The following PEX5L variants were observed in gnomAD, a reference collection of about 807,000 sequenced individuals.
PEX5L encodes peroxisomal biogenesis factor 5 like, also known as PEX5-related protein.
Under a neutral mutation model 84.0 loss-of-function variants are expected in PEX5L, and 30 were observed. That is an observed-to-expected ratio of 0.36 (90% CI 0.27 to 0.48). The LOEUF (loss-of-function observed/expected upper bound fraction) is 0.48, where lower values mean the gene tolerates loss of function less well. Ranked by LOEUF, PEX5L falls within the 20% of genes least tolerant of loss-of-function variation. PEX5L has a pLI of 0.99. For missense variants in PEX5L, 533 were observed against 754.6 expected (o/e 0.71, Z 3.44); for synonymous variants, 270 against 283.1 (o/e 0.95, Z 0.46).
chr3:179,887,575 G>T (rs557517240), intron 4 of PEX5L, 98 bp downstream of exon 4: 2 of 783,618 alleles, frequency 2.6e-6, no homozygotes, highest in Admixed American at 4.1e-5. Context: ...GGTTGCAAAC[G>T]TTCTTTCCTC....
At chr3:179,940,369 GC>G in intron 2 of PEX5L, among the ~76,000 whole-genome samples, 1 of 152,160 alleles carries the variant, frequency 6.6e-6, no homozygotes, top group East Asian at 1.9e-4. Context: ...ATTGAATTGA[GC>G]AGTTACTGTG....
chr3:180,030,175 G>A (rs1480863438), intron 1 of PEX5L, among the ~76,000 whole-genome samples: 1 of 152,150 alleles, frequency 6.6e-6, no homozygotes, highest in Non-Finnish European at 1.5e-5. Flanking sequence ...TTTCGATAGG[G>A]ACACAAACTC....
intron 5 of PEX5L, among the ~76,000 whole-genome samples, chr3:179,879,646 A>G (rs1753562682): frequency 6.6e-6 from 1 of 152,160 alleles, no homozygotes. Flanking sequence ...TGCACATTTT[A>G]TCTTTATTTG....
At chr3:179,947,449 A>C (rs1777877380) in intron 2 of PEX5L, among the ~76,000 whole-genome samples, 1 of 152,084 alleles carries the variant, frequency 6.6e-6, no homozygotes, top group African/African-American at 2.4e-5. Flanking sequence ...CAGCCAAAGA[A>C]AAGAGTTTCA....
chr3:179,811,250 T>C lies in PEX5L; in HGVS notation c.1154+551A>G, dbSNP rs994022328. ...GTGTGTGTGTGTGTGTGTGTGTGCA[T>C]ATGTATACGCACACATATATATTCT... is the stretch of plus-strand genomic sequence containing the variant. On this transcript the variant is annotated intron_variant, in intron 11 of 14. Coordinates refer to ENST00000467460, the MANE Select transcript of PEX5L (RefSeq NM_016559.3). Among the ~76,000 whole-genome samples the C allele has an allele frequency of 1.5e-4, 23 of 151,902 alleles. 1 individual carries two copies. The highest frequency in any genetic ancestry group is 9.7e-4 in the East Asian group (5 of 5,162).
chr3:179,926,776 T>A (rs1050308304), intron 2 of PEX5L, among the ~76,000 whole-genome samples: 9 of 152,202 alleles, frequency 5.9e-5, no homozygotes, highest in Non-Finnish European at 1.3e-4. Context: ...TCAACAAATA[T>A]CTGTGAAATG....
chr3:179,820,116 G>A, intron 8 of PEX5L, 140 bp from the exon 9 acceptor site: 1 of 1,204,034 alleles, frequency 8.3e-7, no homozygotes, highest in Non-Finnish European at 1.2e-6. Flanking sequence ...AGGCGTGGCT[G>A]AAGAGCTTCT....
intron 1 of PEX5L, chr3:179,973,098 A>G (rs1579169719): frequency 2.1e-6 from 2 of 974,624 alleles, no homozygotes; most frequent in East Asian, 8.6e-5. Flanking sequence ...GATTTTGTCT[A>G]GAGTGTCTCT....
chr3:179,885,015 G>C (rs1219247138), intron 4 of PEX5L, among the ~76,000 whole-genome samples: 2 of 27,380 alleles, frequency 7.3e-5, no homozygotes, highest in Non-Finnish European at 1.7e-4. Flanking sequence ...GATTTCTTAC[G>C]AATTAAAAAT....
At position 180,026,034 on chromosome 3, in the gene PEX5L, T is replaced by C. The variant is rs148055348; in HGVS notation, c.21+10545A>G. On this transcript the variant is annotated intron_variant, in intron 1 of 14. Coordinates refer to ENST00000467460, the MANE Select transcript of PEX5L (RefSeq NM_016559.3). Reference sequence around the variant, plus strand: ...TGGTTTGAACTTGGGGCTGTTATGCTGGAGCAGAAGCTCTTAAGCACTATG... The same window carrying C: ...TGGTTTGAACTTGGGGCTGTTATGCCGGAGCAGAAGCTCTTAAGCACTATG... 5.4e-4 allele frequency among the ~76,000 whole-genome samples: 82 copies of C among 152,120 alleles called. 1 individual carries two copies. Among genetic ancestry groups the C allele is most frequent in the African/African-American group, 1.8e-3 (73 of 41,510 alleles).
At chr3:179,844,270 T>A (rs554067306) in intron 8 of PEX5L, among the ~76,000 whole-genome samples, 1 of 152,352 alleles carries the variant, frequency 6.6e-6, no homozygotes, top group African/African-American at 2.4e-5. Context: ...AAATAACCAC[T>A]GTGATTTGGT....
rs1480919550 is a variant in PEX5L, at chr3:179,949,221, A to ATTTT, written c.93+22372_93+22373insAAAA. Among the ~76,000 whole-genome samples, 867 of 152,314 alleles carry ATTTT rather than the reference A, an allele frequency of 5.7e-3. 7 individuals carry two copies. Among genetic ancestry groups the ATTTT allele is most frequent in the African/African-American group, 0.02 (830 of 41,566 alleles). ...CAGAACTGAAGAGTAGATTTTTAAA[A>ATTTT]AAAAAATAAGTAGTTTTAAAAACCA... On this transcript the variant is annotated intron_variant, in intron 2 of 14. Coordinates refer to ENST00000467460, the MANE Select transcript of PEX5L (RefSeq NM_016559.3).
intron 8 of PEX5L, among the ~76,000 whole-genome samples, chr3:179,849,886 G>T (rs2108438917): frequency 6.6e-6 from 1 of 152,272 alleles, no homozygotes; most frequent in East Asian, 1.9e-4. Context: ...TTGGTCTGGA[G>T]GTAGTCTACA....
chr3:179,906,153 C>T (rs2109107340), intron 2 of PEX5L, among the ~76,000 whole-genome samples: 2 of 152,230 alleles, frequency 1.3e-5, no homozygotes, highest in East Asian at 3.9e-4. Context: ...AATAATATCC[C>T]TTTGTCCACA....
At chr3:179,899,994 A>G (rs1430449169) in intron 2 of PEX5L, among the ~76,000 whole-genome samples, 1 of 152,200 alleles carries the variant, frequency 6.6e-6, no homozygotes, top group Non-Finnish European at 1.5e-5. Context: ...TAATGAAGCA[A>G]TGTGAACTTC....
intron 2 of PEX5L, among the ~76,000 whole-genome samples, chr3:179,907,169 C>T (rs777578786): frequency 2.2e-4 from 34 of 151,638 alleles, no homozygotes; most frequent in Non-Finnish European, 4.7e-4. Flanking sequence ...AGATGTATTT[C>T]CCCAATTTCT....
At chr3:179,916,671 A>ACC (rs34937319) in intron 2 of PEX5L, among the ~76,000 whole-genome samples, 9 of 151,460 alleles carry the variant, frequency 5.9e-5, no homozygotes, top group East Asian at 3.9e-4. Flanking sequence ...TAAATTAACC[A>ACC]CCCCCCCTTT....
chr3:179,847,692 T>C (rs1740105969), intron 8 of PEX5L, among the ~76,000 whole-genome samples: 1 of 151,772 alleles, frequency 6.6e-6, no homozygotes, highest in African/African-American at 2.4e-5. Context: ...GATTTTACTT[T>C]ATAAAAAGTT....
chr3:179,950,503 AAAGTAT>A (rs144091515), intron 2 of PEX5L, among the ~76,000 whole-genome samples: 20,218 of 152,168 alleles, frequency 0.13, 1,699 homozygotes, highest in Non-Finnish European at 0.19. Context: ...CCTAGAACTT[AAAGTAT>A]AATAACAAAA....
Sources: gnomAD v4.1 joint callset for allele counts (sites outside exome capture counted in the v4.1 genomes callset) on GRCh38, gnomAD v4.1.1 for gene constraint, MANE v1.5 for transcripts, NCBI Gene and HGNC (gene_info 2026-07-23, HGNC 2026-07-21) for gene names.